The following SPAG16 variants were observed in gnomAD, a reference collection of about 807,000 sequenced individuals.
The protein encoded by SPAG16 is sperm-associated antigen 16 protein.
In SPAG16, 86 loss-of-function variants were observed where a neutral mutation model predicts 80.4. The ratio of observed to expected loss-of-function variants is 1.07; its 90% CI spans 0.90 to 1.28. SPAG16 has a LOEUF of 1.28. Among genes scored for constraint, SPAG16 ranks in the 50% most tolerant of loss-of-function variants. The pLI, the probability that SPAG16 is intolerant of heterozygous loss-of-function variation, is 0.00. For synonymous variants in SPAG16, 294 were observed against 265.9 expected (o/e 1.11, Z -1.03); for missense variants, 870 against 765.3 (o/e 1.14, Z -1.61).
intron 11 of SPAG16, among the ~76,000 whole-genome samples, chr2:213,918,313 C>T (rs2078059366): frequency 6.6e-6 from 1 of 152,112 alleles, no homozygotes; most frequent in Non-Finnish European, 1.5e-5. Context: ...CTCTCCTCCT[C>T]AATTTTTTGG....
At chr2:213,664,279 T>C (rs956476049) in intron 10 of SPAG16, among the ~76,000 whole-genome samples, 1 of 152,088 alleles carries the variant, frequency 6.6e-6, no homozygotes, top group Admixed American at 6.6e-5. Flanking sequence ...TTAACACATC[T>C]GAAAGTCACT....
At chr2:213,326,249 A>G (rs1184848564) in intron 5 of SPAG16, among the ~76,000 whole-genome samples, 1 of 152,096 alleles carries the variant, frequency 6.6e-6, no homozygotes, top group Admixed American at 6.5e-5. Flanking sequence ...AACCATAATT[A>G]CATGGCAATT....
chr2:213,585,434 G>A (rs1434300013), intron 10 of SPAG16, among the ~76,000 whole-genome samples: 1 of 151,618 alleles, frequency 6.6e-6, no homozygotes, highest in Non-Finnish European at 1.5e-5. Context: ...GTGCCACCAT[G>A]CCTGGCTAAT....
chr2:213,441,614 G>T (rs1447357941), intron 9 of SPAG16, among the ~76,000 whole-genome samples: 5 of 152,102 alleles, frequency 3.3e-5, no homozygotes, highest in African/African-American at 1.2e-4. Context: ...ACATAGATTT[G>T]TGCACTTTTT....
chr2:214,142,200 A>C (rs1029861893), intron 14 of SPAG16, among the ~76,000 whole-genome samples: 9 of 152,132 alleles, frequency 5.9e-5, no homozygotes. Flanking sequence ...CTATTTCTTC[A>C]ATGACTAACA....
At chr2:213,579,999 C>G (rs1210277617) in intron 10 of SPAG16, among the ~76,000 whole-genome samples, 1 of 152,046 alleles carries the variant, frequency 6.6e-6, no homozygotes, top group African/African-American at 2.4e-5. Context: ...AAATATGGCA[C>G]CTTGCCATTT....
rs1290461165 is a variant in SPAG16 at position 214,180,456 on chromosome 2, A to G, written c.1720+31190A>G. Among the ~76,000 whole-genome samples the G allele has an allele frequency of 5.0e-4, 76 of 151,704 alleles. No homozygotes were observed. In the Admixed American group the frequency reaches 5.0e-3, roughly 10 times the overall value. On this transcript the variant is annotated intron_variant, in intron 15 of 15. Transcript: ENST00000331683. Reference sequence around the variant, plus strand: ...TATATAGTCCTGTTATAATCATTAGAATAGTATTTAGTATCCAAGTATTTC... The same window carrying G: ...TATATAGTCCTGTTATAATCATTAGGATAGTATTTAGTATCCAAGTATTTC...
chr2:213,959,513 A>G (rs558881436), intron 12 of SPAG16, among the ~76,000 whole-genome samples: 20 of 152,324 alleles, frequency 1.3e-4, no homozygotes, highest in South Asian at 6.2e-4. Context: ...ATAAGACCCA[A>G]TGGTGAACAA....
intron 9 of SPAG16, among the ~76,000 whole-genome samples, chr2:213,455,207 G>T (rs986018649): frequency 2.6e-5 from 4 of 152,182 alleles, no homozygotes; most frequent in Non-Finnish European, 4.4e-5. Flanking sequence ...CTTAAAATAT[G>T]TGATTCTGAA....
In SPAG16 at chr2:213,789,895, C is replaced by T. The variant is rs552828143; in HGVS notation, c.1071-72590C>T. Among the ~76,000 whole-genome samples, 12 of 151,936 alleles carry T rather than the reference C, an allele frequency of 7.9e-5. No individual in the cohort carries two copies. In the South Asian group the frequency reaches 8.3e-4, roughly 11 times the overall value. On this transcript the variant is annotated intron_variant, in intron 10 of 15. Coordinates refer to ENST00000331683, the MANE Select transcript of SPAG16 (RefSeq NM_024532.5). Reference sequence around the variant, plus strand: ...CCCTAATTTCTCCAATTTTCGGTAACGATATCATTATCATCCAATGTATTT... The same window carrying T: ...CCCTAATTTCTCCAATTTTCGGTAATGATATCATTATCATCCAATGTATTT...
chr2:213,527,678 CT>C lies in SPAG16; in HGVS notation c.1070+37589del, dbSNP rs541526499. On this transcript the variant is annotated intron_variant, in intron 10 of 15. Coordinates refer to ENST00000331683, the MANE Select transcript of SPAG16 (RefSeq NM_024532.5). ...GAAATTGCGAAAAACAAAAATTACACTAAAAACTCAACACACAGAAAATAAG... is the reference window on the plus strand; with the variant it reads ...GAAATTGCGAAAAACAAAAATTACACAAAAACTCAACACACAGAAAATAAG... Among the ~76,000 whole-genome samples, 371 of 152,136 alleles carry C rather than the reference CT, an allele frequency of 2.4e-3. 3 individuals are homozygous for C. The highest frequency in any genetic ancestry group is 4.1e-3 in the Non-Finnish European group (280 of 67,982).
intron 15 of SPAG16, among the ~76,000 whole-genome samples, chr2:214,292,994 A>G (rs907787004): frequency 1.3e-5 from 2 of 152,208 alleles, no homozygotes; most frequent in African/African-American, 4.8e-5. Context: ...GTAAAGTCTT[A>G]CTGGGGACGA....
intron 10 of SPAG16, among the ~76,000 whole-genome samples, chr2:213,831,245 G>C (rs1048870405): frequency 8.6e-5 from 13 of 151,432 alleles, no homozygotes; most frequent in Non-Finnish European, 1.5e-4. Context: ...TCACCATCTT[G>C]GCCAGGCTGG....
At chr2:214,166,984 A>G (rs1258326254) in intron 15 of SPAG16, among the ~76,000 whole-genome samples, 5 of 152,126 alleles carry the variant, frequency 3.3e-5, no homozygotes, top group Non-Finnish European at 7.4e-5. Flanking sequence ...AGTCTTACCC[A>G]TCTCCTCCCA....
chr2:213,285,078 A>G lies in SPAG16; in HGVS notation c.136+459A>G, dbSNP rs548525003. The stretch of plus-strand genomic sequence containing the variant: ...ACTTTAAGGAGCTGAAGCTCAGAAT[A>G]CCCAACCCACGATCCTGTTCGATGG... On this transcript the variant is annotated intron_variant, in intron 1 of 15. Transcript: ENST00000331683. 4.4e-4 allele frequency among the ~76,000 whole-genome samples: 67 copies of G among 152,296 alleles called. 1 individual carries two copies. The highest frequency in any genetic ancestry group is 1.6e-3 in the African/African-American group (65 of 41,574).
At chr2:213,929,675 A>T (rs79435921) in intron 11 of SPAG16, among the ~76,000 whole-genome samples, 59 of 152,322 alleles carry the variant, frequency 3.9e-4, no homozygotes, top group Middle Eastern at 3.4e-3. Flanking sequence ...CAAACACATG[A>T]TAACAAAAAC....
At chr2:213,593,348 C>G (rs773013552) in intron 10 of SPAG16, among the ~76,000 whole-genome samples, 1 of 152,124 alleles carries the variant, frequency 6.6e-6, no homozygotes, top group East Asian at 1.9e-4. Context: ...AATTCATGGA[C>G]TTATCATCAC....
At chr2:214,355,519 AAC>A (rs1472049645) in intron 15 of SPAG16, among the ~76,000 whole-genome samples, 3 of 133,234 alleles carry the variant, frequency 2.3e-5, no homozygotes, top group African/African-American at 7.8e-5. Flanking sequence ...AAAGTCAGGA[AAC>A]AACAAGTGCT....
At position 213,809,993 on chromosome 2, in the gene SPAG16, G is replaced by A. The variant is rs774010468; in HGVS notation, c.1071-52492G>A. ...ATAAACCATACACCATGGCACCCAC[G>A]CATCGTACGAAAAGGATAGAAGCCC... On this transcript the variant is annotated intron_variant, in intron 10 of 15. Transcript: ENST00000331683. Among the ~76,000 whole-genome samples, 51 of 152,266 alleles carry A rather than the reference G, an allele frequency of 3.3e-4. No individual in the cohort carries two copies. In the Middle Eastern group the frequency reaches 0.01, roughly 30 times the overall value.
Sources: gnomAD v4.1 joint callset for allele counts (sites outside exome capture counted in the v4.1 genomes callset) on GRCh38, gnomAD v4.1.1 for gene constraint, MANE v1.5 for transcripts, NCBI Gene and HGNC (gene_info 2026-07-23, HGNC 2026-07-21) for gene names.